EIF4G3: variants seen among roughly 807,000 people sequenced by gnomAD.
EIF4G3 encodes eIF-4-gamma 3.
EIF4G3 carries 34 observed loss-of-function variants against 186.4 expected under a neutral mutation model. That is an observed-to-expected ratio of 0.18 (90% CI 0.14 to 0.24). The LOEUF (loss-of-function observed/expected upper bound fraction) is 0.24, where lower values mean the gene tolerates loss of function less well. Ranked by LOEUF, EIF4G3 falls within the 10% of genes least tolerant of loss-of-function variation. The pLI is 1.00. For missense variants in EIF4G3, 1,536 were observed against 1,948.5 expected, an observed-to-expected ratio of 0.79 and a Z score of 3.99; for synonymous variants, 673 against 679.5, an observed-to-expected ratio of 0.99 and a Z score of 0.15.
intron 2 of EIF4G3, among the ~76,000 whole-genome samples, chr1:21,142,019 G>A (rs1295552454): frequency 2.0e-5 from 3 of 151,906 alleles, no homozygotes; most frequent in African/African-American, 4.8e-5. Flanking sequence ...AGAATTTAGC[G>A]TGGCACACTG....
At chr1:21,002,464 T>C (rs947636921) in intron 5 of EIF4G3, among the ~76,000 whole-genome samples, 11 of 151,842 alleles carry the variant, frequency 7.2e-5, no homozygotes, top group African/African-American at 2.7e-4. Context: ...AATCATGCTA[T>C]AGAAAAGTAT....
At chr1:21,043,967 T>C (rs567227454) in intron 4 of EIF4G3, among the ~76,000 whole-genome samples, 1 of 151,786 alleles carries the variant, frequency 6.6e-6, no homozygotes, top group African/African-American at 2.4e-5. Context: ...ATAAATATGG[T>C]TGCAACTAAT....
At chr1:21,019,874 C>T (rs1268557600) in intron 4 of EIF4G3, among the ~76,000 whole-genome samples, 5 of 152,102 alleles carry the variant, frequency 3.3e-5, no homozygotes, top group Non-Finnish European at 7.4e-5. Context: ...CAGAGCAAGA[C>T]GCCGTCTCAA....
At chr1:20,846,076 G>A (rs988151551) in intron 29 of EIF4G3, among the ~76,000 whole-genome samples, 2 of 152,136 alleles carry the variant, frequency 1.3e-5, no homozygotes, top group Non-Finnish European at 2.9e-5. Context: ...TTGTGAATGG[G>A]AGTTCACTGG....
chr1:21,094,051 T>C (rs1007921957), intron 2 of EIF4G3, among the ~76,000 whole-genome samples: 3 of 151,960 alleles, frequency 2.0e-5, no homozygotes, highest in Non-Finnish European at 2.9e-5. Context: ...CATGTACACA[T>C]GTAACAAACC....
At chr1:20,953,208 C>G (rs1573435782) in intron 12 of EIF4G3, among the ~76,000 whole-genome samples, 1 of 152,118 alleles carries the variant, frequency 6.6e-6, no homozygotes, top group East Asian at 1.9e-4. Flanking sequence ...GTTAAAAGGT[C>G]AGGGTCATTT....
At chr1:21,092,956 G>A (rs1435698764) in intron 2 of EIF4G3, among the ~76,000 whole-genome samples, 1 of 152,008 alleles carries the variant, frequency 6.6e-6, no homozygotes, top group South Asian at 2.1e-4. Flanking sequence ...AATTCAAGAT[G>A]GATTAAAGAC....
At chr1:21,012,751 G>A (rs1410755106) in intron 4 of EIF4G3, among the ~76,000 whole-genome samples, 1 of 152,198 alleles carries the variant, frequency 6.6e-6, no homozygotes, top group Non-Finnish European at 1.5e-5. Context: ...TGGATGGACA[G>A]AACAACATGT....
intron 21 of EIF4G3, 112 bp downstream of exon 21, chr1:20,865,004 A>AG: frequency 8.2e-7 from 1 of 1,220,082 alleles, no homozygotes. Flanking sequence ...GGAAAAAAAA[A>AG]GGCCATAGGT....
intron 15 of EIF4G3, among the ~76,000 whole-genome samples, chr1:20,900,974 T>C (rs2090096094): frequency 6.6e-6 from 1 of 152,218 alleles, no homozygotes; most frequent in Non-Finnish European, 1.5e-5. Flanking sequence ...TAAATTTTCT[T>C]TTACCATATA....
At chr1:21,013,204 G>A (rs536743615) in intron 4 of EIF4G3, among the ~76,000 whole-genome samples, 1 of 151,904 alleles carries the variant, frequency 6.6e-6, no homozygotes, top group East Asian at 1.9e-4. Flanking sequence ...TCAACCAGAC[G>A]CAAACTCTCT....
intron 24 of EIF4G3, among the ~76,000 whole-genome samples, 169 bp from the exon 25 acceptor site, chr1:20,857,666 G>A (rs985990978): frequency 3.3e-5 from 5 of 152,054 alleles, no homozygotes; most frequent in African/African-American, 9.7e-5. Flanking sequence ...GAAGCACCCT[G>A]TATCAGCAGA....
chr1:20,914,793 T>A (rs957391902), intron 14 of EIF4G3, among the ~76,000 whole-genome samples: 5 of 152,334 alleles, frequency 3.3e-5, no homozygotes, highest in Admixed American at 1.3e-4. Context: ...TCTCACTGAT[T>A]TCCAACTTGA....
chr1:20,938,393 T>C (rs2095588790), intron 14 of EIF4G3, among the ~76,000 whole-genome samples: 1 of 152,242 alleles, frequency 6.6e-6, no homozygotes, highest in South Asian at 2.1e-4. Context: ...CCTTATGTTA[T>C]AACTTTACTG....
intron 4 of EIF4G3, among the ~76,000 whole-genome samples, chr1:21,039,891 T>C (rs1246624542): frequency 6.6e-6 from 1 of 152,174 alleles, no homozygotes; most frequent in East Asian, 1.9e-4. Context: ...AAATGGCCAA[T>C]AAGCACTTTA....
At chr1:20,905,238 A>G (rs1459613399) in intron 14 of EIF4G3, among the ~76,000 whole-genome samples, 4 of 152,194 alleles carry the variant, frequency 2.6e-5, no homozygotes, top group Non-Finnish European at 4.4e-5. Context: ...GTAATTCAAC[A>G]TGTGATGAGT....
intron 33 of EIF4G3, among the ~76,000 whole-genome samples, chr1:20,821,103 T>C (rs2154546050): frequency 6.6e-6 from 1 of 152,230 alleles, no homozygotes; most frequent in Middle Eastern, 3.4e-3. Context: ...GCCAAAAAAA[T>C]CGACACTCCA....
Position 21,162,522 on chromosome 1 carries a change from G to A in EIF4G3, c.-272+13653C>T, listed in dbSNP as rs556811283. Among the ~76,000 whole-genome samples the A allele has an allele frequency of 2.6e-4, 40 of 151,180 alleles. 1 individual carries two copies. In the South Asian group the frequency reaches 8.4e-3, roughly 32 times the overall value. ...AGCACTTTGGGAGGCCGAGGCGGGT[G>A]GATCACTTGAGGAGTTCAAGACCAG... On this transcript the variant is annotated intron_variant, in intron 2 of 36. Coordinates refer to ENST00000602326, the MANE Select transcript of EIF4G3 (RefSeq NM_001391906.1).
intron 3 of EIF4G3, chr1:21,073,635 C>A: frequency 1.9e-6 from 1 of 520,286 alleles, no homozygotes; most frequent in Non-Finnish European, 3.8e-6. Context: ...GCACACGCCA[C>A]ATGCAGATTT....
Sources: gnomAD v4.1 joint callset for allele counts (sites outside exome capture counted in the v4.1 genomes callset) on GRCh38, gnomAD v4.1.1 for gene constraint, MANE v1.5 for transcripts, NCBI Gene and HGNC (gene_info 2026-07-23, HGNC 2026-07-21) for gene names.